The following MEP1A variants were observed in gnomAD, a reference collection of about 807,000 sequenced individuals.
The protein encoded by MEP1A is meprin A subunit alpha.
In MEP1A, 68 loss-of-function variants were observed where a neutral mutation model predicts 84.5. The observed-to-expected ratio is 0.80, with a 90% CI of 0.66 to 0.98. The LOEUF (loss-of-function observed/expected upper bound fraction) is 0.98, where lower values mean the gene tolerates loss of function less well. Among genes scored for constraint, MEP1A ranks in the 50% least tolerant of loss-of-function variants. The probability of loss-of-function intolerance (pLI) is 0.00; values close to 1 mark genes in which losing one functional copy is unlikely to be tolerated. For synonymous variants in MEP1A, 337 were observed against 336.8 expected (o/e 1.00, Z -0.01); for missense variants, 887 against 919.9 (o/e 0.96, Z 0.46).
chr6:46,798,686 G>A, intron 4 of MEP1A, 40 bp downstream of exon 4: 4 of 1,568,924 alleles, frequency 2.5e-6, no homozygotes, highest in Non-Finnish European at 3.5e-6. Context: ...TCTCAGGACA[G>A]GCAGTACCAC....
Position 46,834,678 on chromosome 6 carries a change from C to A in MEP1A, c.1710C>A (p.Phe570Leu), listed in dbSNP as rs530390765. ...FRSIDLGWSG[F>L]ISHQMLKRRS... ...GCATCGACTTGGGCTGGAGTGGTTT[C>A]ATTTCCCACCAAATGCTGAAAAGGA... The change falls in exon 12 of 14, where the codon TTC (phenylalanine) becomes TTA (leucine). Residue 570 changes from phenylalanine (F) to leucine (L), a missense_variant. Phe to Leu is a conservative substitution (Grantham distance 22). Transcript: ENST00000230588. 8 of 1,611,466 alleles carry A rather than the reference C, an allele frequency of 5.0e-6. No homozygotes were observed. In the South Asian group the frequency reaches 8.8e-5, roughly 18 times the overall value.
intron 6 of MEP1A, among the ~76,000 whole-genome samples, chr6:46,819,167 G>T (rs1467511607): frequency 6.6e-6 from 1 of 152,162 alleles, no homozygotes; most frequent in Non-Finnish European, 1.5e-5. Context: ...CAATTTTTTA[G>T]ATAAAGGCAA....
intron 3 of MEP1A, among the ~76,000 whole-genome samples, chr6:46,794,591 G>A (rs1767009204): frequency 6.6e-6 from 1 of 152,150 alleles, no homozygotes; most frequent in African/African-American, 2.4e-5. Flanking sequence ...ATAACTAAGG[G>A]TCAATTTTTC....
intron 10 of MEP1A, among the ~76,000 whole-genome samples, chr6:46,830,813 A>G (rs1403171405): frequency 6.6e-6 from 1 of 152,210 alleles, no homozygotes; most frequent in Admixed American, 6.5e-5. Flanking sequence ...TGAGGGGTTC[A>G]CTTTTCTGGT....
chr6:46,831,950 G>A (rs930410509), intron 10 of MEP1A, among the ~76,000 whole-genome samples: 37 of 152,142 alleles, frequency 2.4e-4, no homozygotes, highest in African/African-American at 8.9e-4. Flanking sequence ...GTGTTCCCAT[G>A]TAACCTAACC....
At chr6:46,827,646 C>T (rs1767978580) in intron 9 of MEP1A, among the ~76,000 whole-genome samples, 1 of 152,196 alleles carries the variant, frequency 6.6e-6, no homozygotes, top group Non-Finnish European at 1.5e-5. Flanking sequence ...TGATAAGCCA[C>T]TGACACTTTT....
intron 3 of MEP1A, among the ~76,000 whole-genome samples, chr6:46,798,354 T>C (rs906786799): frequency 1.3e-5 from 2 of 152,150 alleles, no homozygotes; most frequent in Non-Finnish European, 2.9e-5. Context: ...CCTTCTAACT[T>C]ATGTCTTACT....
intron 5 of MEP1A, among the ~76,000 whole-genome samples, chr6:46,806,764 G>A (rs1049327607): frequency 6.6e-6 from 1 of 151,882 alleles, no homozygotes; most frequent in African/African-American, 2.4e-5. Flanking sequence ...TCAGCCACTC[G>A]GGTTAAAACT....
rs1767080408 is a variant in MEP1A at position 46,797,790 on chromosome 6, TTCTCTTTCTTTCTTTCTTTCTTTC to T, written c.146-814_146-791del. ...TCTTTCTTTTTCTTTCTTTCTTTCTTTCTCTTTCTTTCTTTCTTTCTTTCTTTCTTTCTTTCTTTCTTTCTTTCT... is the reference window on the plus strand; with the variant it reads ...TCTTTCTTTTTCTTTCTTTCTTTCTTTTTCTTTCTTTCTTTCTTTCTTTCT... On this transcript the variant is annotated intron_variant, in intron 3 of 13. Coordinates refer to ENST00000230588, the MANE Select transcript of MEP1A (RefSeq NM_005588.3). Among the ~76,000 whole-genome samples, 4 of 120,734 alleles carry T rather than the reference TTCTCTTTCTTTCTTTCTTTCTTTC, an allele frequency of 3.3e-5. No individual in the cohort carries two copies. The South Asian group carries it at 1.1e-3, about 34-fold the overall frequency. 79.2% of individuals were successfully genotyped at this position (120,734 alleles called of 152,430 possible). A position where few individuals can be genotyped will look rare whatever the true frequency, so the allele number is the denominator to read the frequency against.
At position 46,798,620 on chromosome 6, in the gene MEP1A, C is replaced by T. The variant is rs770164189; in HGVS notation, c.160C>T (p.Leu54Phe). The change falls in exon 4 of 14, where the codon CTC becomes TTC. Residue 54 changes from leucine (L) to phenylalanine (F), a missense_variant. Leu to Phe is a conservative substitution (Grantham distance 22). Transcript: ENST00000230588. The part of the protein sequence containing the change: ...SEINLAAGLD[L>F]FQGDILLQKS... ...TCCACTTCCAGCTGCAGGCTTGGAC[C>T]TCTTTCAAGGGGACATCCTCTTGCA... 1 of 1,613,850 alleles carries T rather than the reference C, an allele frequency of 6.2e-7. No individual in the cohort carries two copies. Among genetic ancestry groups the T allele is most frequent in the Non-Finnish European group, 8.5e-7 (1 of 1,179,898 alleles).
intron 9 of MEP1A, among the ~76,000 whole-genome samples, chr6:46,828,057 T>C (rs930570972): frequency 6.6e-6 from 1 of 152,198 alleles, no homozygotes; most frequent in Non-Finnish European, 1.5e-5. Flanking sequence ...AAGGATCCAT[T>C]GGGAGGATCC....
intron 5 of MEP1A, among the ~76,000 whole-genome samples, chr6:46,804,688 T>G (rs1193495220): frequency 6.6e-6 from 1 of 151,682 alleles, no homozygotes; most frequent in Non-Finnish European, 1.5e-5. Context: ...AATGAGTTCT[T>G]AAAGATCTAT....
the MEP1A span, among the ~76,000 whole-genome samples, chr6:46,845,300 A>G: frequency 2.2e-4 from 33 of 152,218 alleles, no homozygotes; most frequent in Admixed American, 2.1e-3. Context: ...ATGACTGATA[A>G]CGGGACATAA....
At chr6:46,838,740 ATTAT>A (rs1479161354) in intron 13 of MEP1A, among the ~76,000 whole-genome samples, 1 of 152,210 alleles carries the variant, frequency 6.6e-6, no homozygotes, top group Admixed American at 6.5e-5. Context: ...CCTTGAGCAA[ATTAT>A]TTAACCTTCC....
intron 7 of MEP1A, among the ~76,000 whole-genome samples, chr6:46,824,025 C>T (rs1250369195): frequency 6.6e-6 from 1 of 152,150 alleles, no homozygotes; most frequent in African/African-American, 2.4e-5. Flanking sequence ...GTCTTGCTTT[C>T]AGCTGCTTAC....
chr6:46,816,029 C>T (rs565588364), intron 6 of MEP1A, among the ~76,000 whole-genome samples: 54 of 152,150 alleles, frequency 3.5e-4, no homozygotes, highest in African/African-American at 7.2e-4. Context: ...CTCCATCTCC[C>T]GGGCTCAAGC....
In MEP1A at chr6:46,826,448, T is replaced by C. The variant is rs749753305; in HGVS notation, c.873T>C (p.His291=). The change falls in exon 9 of 14, where the codon CAT becomes CAC. Residue 291 remains histidine, a synonymous_variant. Transcript: ENST00000230588. Reference sequence around the variant, plus strand: ...CCAGAGATGACACTGACTGGGCCCATCAGGACAGTGCTCAGGCTGGAGAAG... The same window carrying C: ...CCAGAGATGACACTGACTGGGCCCACCAGGACAGTGCTCAGGCTGGAGAAG... ...QGTRDDTDWA[H]QDSAQAGEVD... 1 of 1,607,738 alleles carries C rather than the reference T, an allele frequency of 6.2e-7. No individual in the cohort carries two copies. Among genetic ancestry groups the C allele is most frequent in the Non-Finnish European group, 8.5e-7 (1 of 1,176,968 alleles).
intron 3 of MEP1A, among the ~76,000 whole-genome samples, chr6:46,795,365 A>G (rs188662138): frequency 2.8e-4 from 43 of 152,140 alleles, no homozygotes; most frequent in Admixed American, 2.3e-3. Context: ...CAGTGGTGCC[A>G]TCTCGGCTCA....
At chr6:46,823,626 TAAAC>T (rs551168235) in intron 7 of MEP1A, among the ~76,000 whole-genome samples, 63 of 151,980 alleles carry the variant, frequency 4.1e-4, no homozygotes, top group African/African-American at 1.3e-3. Context: ...ACTAAACAAG[TAAAC>T]AAACAAAAAG....
Sources: gnomAD v4.1 joint callset for allele counts (sites outside exome capture counted in the v4.1 genomes callset) on GRCh38, gnomAD v4.1.1 for gene constraint, MANE v1.5 for transcripts, NCBI Gene and HGNC (gene_info 2026-07-23, HGNC 2026-07-21) for gene names.